RBMS3: variants seen among roughly 807,000 people sequenced by gnomAD.
RBMS3 encodes RNA-binding motif, single-stranded-interacting protein 3.
RBMS3 carries 27 observed loss-of-function variants against 66.8 expected under a neutral mutation model. The ratio of observed to expected loss-of-function variants is 0.40; its 90% confidence interval spans 0.30 to 0.56. The LOEUF (loss-of-function observed/expected upper bound fraction) is 0.56. Among genes scored for constraint, RBMS3 ranks in the 20% least tolerant of loss-of-function variants. The probability of loss-of-function intolerance (pLI) is 0.40; values close to 1 mark genes in which losing one functional copy is unlikely to be tolerated. For synonymous variants in RBMS3, 188 were observed against 183.0 expected, an observed-to-expected ratio of 1.03 and a Z score of -0.22; for missense variants, 513 against 549.5, an observed-to-expected ratio of 0.93 and a Z score of 0.66.
Position 29,558,162 on chromosome 3 carries a change from C to T in RBMS3, c.308-28952C>T, listed in dbSNP as rs2046423454. Among the ~76,000 whole-genome samples the T allele has an allele frequency of 3.3e-5, 5 of 152,198 alleles. No individual in the cohort carries two copies. In the South Asian group the frequency reaches 8.3e-4, roughly 25 times the overall value. On this transcript the variant is annotated intron_variant, in intron 3 of 14. Coordinates refer to ENST00000383767, the MANE Select transcript of RBMS3 (RefSeq NM_001003793.3). ...ATGTCAATTCCTCCATATACATACACATCCCATAACGGCACATAGAAGAAC... is the reference window on the plus strand; with the variant it reads ...ATGTCAATTCCTCCATATACATACATATCCCATAACGGCACATAGAAGAAC...
intron 12 of RBMS3, among the ~76,000 whole-genome samples, chr3:29,962,550 T>TAATATATATATATATATATATATATATA: frequency 7.9e-6 from 1 of 126,518 alleles, no homozygotes; most frequent in Admixed American, 8.5e-5. Context: ...GGGTCAAGAC[T>TAATATATATATATATATATATATATATA]CATATATATA....
intron 3 of RBMS3, among the ~76,000 whole-genome samples, chr3:29,552,206 A>T (rs2046201661): frequency 6.6e-6 from 1 of 152,196 alleles, no homozygotes; most frequent in Non-Finnish European, 1.5e-5. Flanking sequence ...TCTCCTCAGA[A>T]CATCATGAAG....
chr3:29,311,359 C>T (rs562586478), intron 1 of RBMS3, among the ~76,000 whole-genome samples: 7 of 151,820 alleles, frequency 4.6e-5, no homozygotes, highest in South Asian at 2.1e-4. Context: ...CACTGCTTCA[C>T]GCTCTATAGC....
intron 3 of RBMS3, among the ~76,000 whole-genome samples, chr3:29,514,723 G>A (rs1018307407): frequency 1.5e-5 from 2 of 135,408 alleles, no homozygotes; most frequent in Non-Finnish European, 3.1e-5. Flanking sequence ...ATGTGTATAT[G>A]ATAAGCATAT....
chr3:29,302,772 T>C (rs1221755908), intron 1 of RBMS3, among the ~76,000 whole-genome samples: 1 of 152,060 alleles, frequency 6.6e-6, no homozygotes, highest in Non-Finnish European at 1.5e-5. Context: ...TTCTGTGCTA[T>C]GTGGCTGGGA....
chr3:29,529,403 A>T (rs2045262824), intron 3 of RBMS3, among the ~76,000 whole-genome samples: 1 of 152,200 alleles, frequency 6.6e-6, no homozygotes, highest in African/African-American at 2.4e-5. Context: ...AAGAAGGAAA[A>T]AAAACAGATG....
intron 10 of RBMS3, among the ~76,000 whole-genome samples, chr3:29,914,192 A>C (rs565855944): frequency 6.6e-6 from 1 of 152,092 alleles, no homozygotes; most frequent in South Asian, 2.1e-4. Context: ...AATATGGTGG[A>C]TGCATGGGTC....
intron 6 of RBMS3, among the ~76,000 whole-genome samples, chr3:29,819,737 A>G (rs1041828547): frequency 3.9e-5 from 6 of 152,156 alleles, no homozygotes; most frequent in Admixed American, 6.5e-5. Flanking sequence ...ATTGACTGAC[A>G]TTCAGGGTAC....
intron 6 of RBMS3, among the ~76,000 whole-genome samples, chr3:29,866,718 G>T (rs976674378): frequency 1.3e-5 from 2 of 152,176 alleles, no homozygotes; most frequent in African/African-American, 4.8e-5. Context: ...AGAATTTACA[G>T]TACTTATAAC....
chr3:29,870,912 A>T (rs1422205263), intron 7 of RBMS3, among the ~76,000 whole-genome samples: 1 of 152,122 alleles, frequency 6.6e-6, no homozygotes, highest in Non-Finnish European at 1.5e-5. Flanking sequence ...TGCTTATCAA[A>T]TTTTTTGGTT....
intron 3 of RBMS3, among the ~76,000 whole-genome samples, chr3:29,534,023 T>G (rs1289714010): frequency 6.6e-6 from 1 of 152,196 alleles, no homozygotes; most frequent in Non-Finnish European, 1.5e-5. Context: ...CAAGAGTAAT[T>G]AAACACTGTG....
At chr3:29,335,400 T>A (rs772597887) in intron 1 of RBMS3, among the ~76,000 whole-genome samples, 1 of 152,184 alleles carries the variant, frequency 6.6e-6, no homozygotes, top group Non-Finnish European at 1.5e-5. Flanking sequence ...ATGCATATAG[T>A]CCACGTGGCA....
intron 1 of RBMS3, among the ~76,000 whole-genome samples, chr3:29,343,628 A>G (rs2036407059): frequency 6.6e-6 from 1 of 152,206 alleles, no homozygotes; most frequent in Non-Finnish European, 1.5e-5. Flanking sequence ...ATGCCTCTCA[A>G]TTGGAATACG....
intron 1 of RBMS3, among the ~76,000 whole-genome samples, chr3:29,330,346 T>C (rs1343696937): frequency 2.6e-5 from 4 of 152,158 alleles, no homozygotes; most frequent in Non-Finnish European, 4.4e-5. Flanking sequence ...TGTCACTCAA[T>C]AGCTTCTGCA....
At chr3:29,999,102 G>T (rs1699444448) in intron 14 of RBMS3, among the ~76,000 whole-genome samples, 1 of 151,804 alleles carries the variant, frequency 6.6e-6, no homozygotes, top group South Asian at 2.1e-4. Context: ...AGTGGGCAAA[G>T]AATATGATCA....
chr3:29,550,353 T>A (rs542264762), intron 3 of RBMS3, among the ~76,000 whole-genome samples: 74 of 152,322 alleles, frequency 4.9e-4, no homozygotes, highest in Non-Finnish European at 9.6e-4. Context: ...CTCAATTAAA[T>A]TTGAATTTCA....
chr3:29,366,334 G>A (rs2037901315), intron 1 of RBMS3, among the ~76,000 whole-genome samples: 1 of 152,122 alleles, frequency 6.6e-6, no homozygotes, highest in Admixed American at 6.6e-5. Context: ...ACTATAACAT[G>A]AACTTAGAAT....
chr3:29,287,805 C>G (rs974908973), intron 1 of RBMS3, among the ~76,000 whole-genome samples: 1 of 151,850 alleles, frequency 6.6e-6, no homozygotes, highest in African/African-American at 2.4e-5. Context: ...CTTGAGAAAG[C>G]TTATAGAATT....
intron 3 of RBMS3, among the ~76,000 whole-genome samples, chr3:29,518,219 G>T (rs2044717351): frequency 1.3e-5 from 2 of 152,188 alleles, no homozygotes; most frequent in Admixed American, 6.5e-5. Flanking sequence ...AACTGCAACT[G>T]TTTGTGGTTA....
Sources: gnomAD v4.1 joint callset for allele counts (sites outside exome capture counted in the v4.1 genomes callset) on GRCh38, gnomAD v4.1.1 for gene constraint, MANE v1.5 for transcripts, NCBI Gene and HGNC (gene_info 2026-07-23, HGNC 2026-07-21) for gene names.